Variants in ANAPC4 observed in about 807,000 individuals in gnomAD.
ANAPC4 encodes the protein anaphase-promoting complex subunit 4.
Under a neutral mutation model 119.8 loss-of-function variants are expected in ANAPC4, and 63 were observed. The ratio of observed to expected loss-of-function variants is 0.53; its 90% CI spans 0.43 to 0.65. ANAPC4 has a LOEUF of 0.65. ANAPC4 is among the 30% of genes least tolerant of loss of function. The pLI is 0.00. For synonymous variants in ANAPC4, 283 were observed against 318.6 expected, an observed-to-expected ratio of 0.89 and a Z score of 1.19; for missense variants, 716 against 945.1, an observed-to-expected ratio of 0.76 and a Z score of 3.18.
intron 16 of ANAPC4, among the ~76,000 whole-genome samples, chr4:25,401,467 G>A (rs1722969433): frequency 6.6e-6 from 1 of 152,172 alleles, no homozygotes; most frequent in Admixed American, 6.5e-5. Flanking sequence ...AGGAAAGAAC[G>A]TATTGACCAC....
intron 14 of ANAPC4, chr4:25,395,142 T>C (rs1722575884): frequency 5.1e-6 from 2 of 392,884 alleles, no homozygotes; most frequent in East Asian, 8.2e-5. Context: ...ATCTGGGTTT[T>C]TTTCTTAATC....
intron 2 of ANAPC4, 23 bp from the exon 3 acceptor site, chr4:25,380,351 C>T (rs1577366883): frequency 6.5e-7 from 1 of 1,545,490 alleles, no homozygotes; most frequent in Non-Finnish European, 8.8e-7. Context: ...TAATTTCCTG[C>T]CATTATATCT....
intron 19 of ANAPC4, among the ~76,000 whole-genome samples, 153 bp downstream of exon 19, chr4:25,407,038 T>C (rs924510106): frequency 6.6e-6 from 1 of 152,230 alleles, no homozygotes; most frequent in South Asian, 2.1e-4. Flanking sequence ...ATAAACATAG[T>C]CAATAAACCA....
In ANAPC4 at chr4:25,388,825, T is replaced by G. The variant is rs750190478; in HGVS notation, c.471-13T>G. Reference sequence around the variant, plus strand: ...AGAATTGAAAGATGACCCAATTTACTTCTATATTTTAGTGAAGAAAATTCT... The same window carrying G: ...AGAATTGAAAGATGACCCAATTTACGTCTATATTTTAGTGAAGAAAATTCT... On this transcript the variant is annotated splice_polypyrimidine_tract_variant and intron_variant, in intron 6 of 28. Coordinates refer to ENST00000315368, the MANE Select transcript of ANAPC4 (RefSeq NM_013367.3). 1.2e-6 allele frequency: 2 copies of G among 1,605,036 alleles called. No homozygotes were observed. The highest frequency in any genetic ancestry group is 3.4e-5 in the Admixed American group (2 of 59,024).
At chr4:25,407,347 T>A in intron 20 of ANAPC4, 94 bp downstream of exon 20, 1 of 877,888 alleles carries the variant, frequency 1.1e-6, no homozygotes, top group Non-Finnish European at 1.7e-6. Flanking sequence ...TAATACAGGA[T>A]CTCTGCCCTT....
chr4:25,383,506 G>C, intron 4 of ANAPC4, 113 bp downstream of exon 4: 1 of 1,072,788 alleles, frequency 9.3e-7, no homozygotes, highest in South Asian at 3.3e-5. Context: ...TTAAATTTTG[G>C]TTTCAGTTTA....
chr4:25,381,903 C>G lies in ANAPC4; in HGVS notation c.236-1358C>G, dbSNP rs539447968. Among the ~76,000 whole-genome samples, 7 of 152,106 alleles carry G rather than the reference C, an allele frequency of 4.6e-5. No homozygotes were observed. In the East Asian group the frequency reaches 7.8e-4, roughly 17 times the overall value. On this transcript the variant is annotated intron_variant, in intron 3 of 28. Transcript: ENST00000315368. Reference sequence around the variant, plus strand: ...TGGAGTTTGCAGTGAGCCAATATCGCACCACTGCACTCCAGTGTGGGCTAC... The same window carrying G: ...TGGAGTTTGCAGTGAGCCAATATCGGACCACTGCACTCCAGTGTGGGCTAC...
intron 21 of ANAPC4, among the ~76,000 whole-genome samples, chr4:25,410,473 G>A (rs1269274533): frequency 1.3e-5 from 2 of 152,108 alleles, no homozygotes; most frequent in African/African-American, 2.4e-5. Context: ...CACAATACCT[G>A]CTTTAATCCT....
At chr4:25,407,345 G>T (rs1430459208) in intron 20 of ANAPC4, 92 bp downstream of exon 20, 2 of 912,638 alleles carry the variant, frequency 2.2e-6, no homozygotes, top group Non-Finnish European at 3.2e-6. Context: ...AGTAATACAG[G>T]ATCTCTGCCC....
chr4:25,394,284 AC>A (rs1722515699), intron 11 of ANAPC4, 25 bp from the exon 12 acceptor site: 1 of 1,561,230 alleles, frequency 6.4e-7, no homozygotes, highest in Non-Finnish European at 8.6e-7. Context: ...TACATATATC[AC>A]AATTTTTTTT....
At chr4:25,409,403 GTTTC>G (rs1723443220) in intron 20 of ANAPC4, among the ~76,000 whole-genome samples, 1 of 152,126 alleles carries the variant, frequency 6.6e-6, no homozygotes, top group African/African-American at 2.4e-5. Flanking sequence ...CTGTTCAGCA[GTTTC>G]TTTAATTTTT....
chr4:25,392,523 A>G (rs1722404941), intron 10 of ANAPC4, 102 bp downstream of exon 10: 2 of 823,816 alleles, frequency 2.4e-6, no homozygotes, highest in Non-Finnish European at 2.0e-6. Flanking sequence ...TTTCTGAAGT[A>G]GAGGTATCTA....
intron 16 of ANAPC4, among the ~76,000 whole-genome samples, 195 bp from the exon 17 acceptor site, chr4:25,402,776 A>C (rs1723046261): frequency 6.6e-6 from 1 of 152,176 alleles, no homozygotes. Flanking sequence ...TTTTATAATC[A>C]GTATTTTCTT....
intron 17 of ANAPC4, among the ~76,000 whole-genome samples, chr4:25,404,487 A>G (rs1723148871): frequency 6.6e-6 from 1 of 152,160 alleles, no homozygotes; most frequent in Non-Finnish European, 1.5e-5. Context: ...TCCTTACTAC[A>G]CATTCTAACT....
chr4:25,414,407 A>G (rs373992714), intron 23 of ANAPC4, 22 bp downstream of exon 23: 10 of 1,598,580 alleles, frequency 6.3e-6, no homozygotes, highest in African/African-American at 5.4e-5. Context: ...TACCTATTGG[A>G]TGGTGTAATT....
At chr4:25,409,186 T>A (rs956843117) in intron 20 of ANAPC4, among the ~76,000 whole-genome samples, 1 of 152,212 alleles carries the variant, frequency 6.6e-6, no homozygotes, top group Non-Finnish European at 1.5e-5. Flanking sequence ...TGGATCTCAC[T>A]TGAAGAACAA....
Position 25,405,489 on chromosome 4 carries a change from C to A in ANAPC4, c.1271-84C>A. ...AAATTGAAGATTTAGTTCAGTCAAA[C>A]ACCTTGTCTTTGAAATGTATTTATA... On this transcript the variant is annotated intron_variant, in intron 17 of 28. Coordinates refer to ENST00000315368, the MANE Select transcript of ANAPC4 (RefSeq NM_013367.3). The surrounding 1 kb of genome is among the most constrained non-coding windows in gnomAD (Gnocchi z 4.6). 7.9e-7 allele frequency: 1 copy of A among 1,263,684 alleles called. No individual in the cohort carries two copies. 78.3% of individuals were successfully genotyped at this position (1,263,684 alleles called of 1,614,324 possible). A position where few individuals can be genotyped will look rare whatever the true frequency, so the allele number is the denominator to read the frequency against.
chr4:25,389,019 G>T (rs1722191246), intron 7 of ANAPC4, 137 bp downstream of exon 7: 6 of 753,252 alleles, frequency 8.0e-6, no homozygotes, highest in Non-Finnish European at 1.3e-5. Context: ...TTTTGAGATG[G>T]AGTCTCTGTC....
chr4:25,401,057 TCTC>T (rs1284212004), intron 16 of ANAPC4, among the ~76,000 whole-genome samples: 1 of 152,206 alleles, frequency 6.6e-6, no homozygotes, highest in Non-Finnish European at 1.5e-5. Flanking sequence ...CTCAAAGTGT[TCTC>T]CTGTTTCTTT....
Sources: gnomAD v4.1 joint callset for allele counts (sites outside exome capture counted in the v4.1 genomes callset) on GRCh38, gnomAD v4.1.1 for gene constraint, Gnocchi (gnomAD v3.1) non-coding constraint, MANE v1.5 for transcripts, NCBI Gene and HGNC (gene_info 2026-07-23, HGNC 2026-07-21) for gene names.